The following KIF4A variants were observed in gnomAD, a reference collection of about 807,000 sequenced individuals.
The protein encoded by KIF4A is chromosome-associated kinesin KIF4A.
In KIF4A, 7 loss-of-function variants were observed where a neutral mutation model predicts 105.9. The ratio of observed to expected loss-of-function variants is 0.07; its 90% CI spans 0.04 to 0.12. The LOEUF is 0.12. KIF4A is among the 10% of genes least tolerant of loss of function. KIF4A has a pLI of 1.00. For missense variants in KIF4A, 558 were observed against 929.2 expected (o/e 0.60, Z 5.19); for synonymous variants, 281 against 331.3 (o/e 0.85, Z 1.65).
chrX:70,323,003 G>T (rs1417832342), intron 7 of KIF4A, among the ~76,000 whole-genome samples: 1 of 109,935 alleles, frequency 9.1e-6, no homozygotes, highest in African/African-American at 3.3e-5. Flanking sequence ...CCTCCTTAAG[G>T]CCTTTTTGCT....
chrX:70,416,635 ACTTTTAAG>A (rs1348931341), intron 28 of KIF4A, among the ~76,000 whole-genome samples: 1 of 111,702 alleles, frequency 9.0e-6, no homozygotes, highest in Non-Finnish European at 1.9e-5. Context: ...CGCACGGTCT[ACTTTTAAG>A]CTAGATCACT....
At chrX:70,367,730 T>C (rs2086110896) in intron 15 of KIF4A, among the ~76,000 whole-genome samples, 1 of 111,362 alleles carries the variant, frequency 9.0e-6, no homozygotes, top group Non-Finnish European at 1.9e-5. Flanking sequence ...TTATTTGTCT[T>C]GGAGTTGCTT....
At chrX:70,357,198 C>T (rs922707826) in intron 15 of KIF4A, among the ~76,000 whole-genome samples, 2 of 111,358 alleles carry the variant, frequency 1.8e-5, no homozygotes, top group African/African-American at 6.5e-5. Flanking sequence ...CCTGTAGTCC[C>T]AGCTACTGGG....
chrX:70,366,902 T>A (rs1421178160), intron 15 of KIF4A, among the ~76,000 whole-genome samples: 1 of 111,931 alleles, frequency 8.9e-6, no homozygotes, highest in Non-Finnish European at 1.9e-5. Flanking sequence ...TTTGTAGGTC[T>A]CTAAGGACTT....
chrX:70,398,178 C>T (rs1400030052), intron 22 of KIF4A, among the ~76,000 whole-genome samples: 1 of 111,753 alleles, frequency 8.9e-6, no homozygotes, highest in African/African-American at 3.3e-5. Flanking sequence ...GCTGGAATTA[C>T]AGGCACATGG....
At chrX:70,343,822 C>G (rs1364435798) in intron 12 of KIF4A, 55 bp from the exon 13 acceptor site, 2 of 1,185,691 alleles carry the variant, frequency 1.7e-6, no homozygotes, top group East Asian at 5.9e-5. Context: ...AATCGTGGAG[C>G]CTCTGGCCTT....
chrX:70,373,555 T>C (rs1475109375), intron 15 of KIF4A, among the ~76,000 whole-genome samples: 3 of 41,986 alleles, frequency 7.1e-5, no homozygotes, highest in African/African-American at 2.4e-4. Flanking sequence ...TATATATATA[T>C]ACGTATATAT....
At chrX:70,329,036 A>G (rs938947532) in intron 7 of KIF4A, among the ~76,000 whole-genome samples, 5 of 111,368 alleles carry the variant, frequency 4.5e-5, no homozygotes, top group Non-Finnish European at 9.4e-5. Flanking sequence ...AAAAATAATG[A>G]TGATGATATG....
intron 15 of KIF4A, among the ~76,000 whole-genome samples, chrX:70,363,911 C>T (rs977464551): frequency 2.7e-5 from 3 of 111,881 alleles, no homozygotes; most frequent in Non-Finnish European, 5.6e-5. Context: ...CTATTGTTTC[C>T]TGACTTTAAT....
At chrX:70,309,603 CAA>C (rs1050349343) in intron 7 of KIF4A, among the ~76,000 whole-genome samples, 1 of 110,834 alleles carries the variant, frequency 9.0e-6, no homozygotes, top group Non-Finnish European at 1.9e-5. Flanking sequence ...GTATAATAGA[CAA>C]AAAAAATTGT....
chrX:70,315,407 G>A (rs771574616), intron 7 of KIF4A, among the ~76,000 whole-genome samples: 3 of 112,279 alleles, frequency 2.7e-5, no homozygotes, highest in East Asian at 2.8e-4. Context: ...TATTTGGAAT[G>A]ATAATTGCTA....
chrX:70,304,494 C>A (rs569996497), intron 7 of KIF4A, among the ~76,000 whole-genome samples: 3 of 108,405 alleles, frequency 2.8e-5, no homozygotes, highest in Admixed American at 2.0e-4. Context: ...TTCTAGTTTT[C>A]GATCCCTGAG....
At position 70,353,608 on chromosome X, in the gene KIF4A, T is replaced by C. The variant is rs768715939; in HGVS notation, c.1489-14T>C. ...TTGTTTCTCTTATAAATCATTATCC[T>C]GATTTTTTTCCAGCAAGTAGAAACC... On this transcript the variant is annotated splice_polypyrimidine_tract_variant and intron_variant, in intron 14 of 30. Coordinates refer to ENST00000374403, the MANE Select transcript of KIF4A (RefSeq NM_012310.5). 8.3e-7 allele frequency: 1 copy of C among 1,198,268 alleles called. No individual in the cohort carries two copies. Among genetic ancestry groups the C allele is most frequent in the South Asian group, 1.8e-5 (1 of 54,567 alleles).
At chrX:70,322,007 CT>C (rs2085892256) in intron 7 of KIF4A, among the ~76,000 whole-genome samples, 1 of 110,387 alleles carries the variant, frequency 9.1e-6, no homozygotes. Flanking sequence ...CCACTCACCC[CT>C]ATCTGAAACA....
intron 29 of KIF4A, among the ~76,000 whole-genome samples, 190 bp downstream of exon 29, chrX:70,418,194 A>T (rs927185259): frequency 1.2e-4 from 13 of 111,734 alleles, no homozygotes; most frequent in African/African-American, 4.2e-4. Flanking sequence ...GCCTGTTCAC[A>T]TACCCCTTTC....
Position 70,376,285 on chromosome X carries a change from C to T in KIF4A, c.2034+75C>T, listed in dbSNP as rs1201845051. 7.4e-6 allele frequency: 4 copies of T among 542,064 alleles called. No individual in the cohort carries two copies. In the African/African-American group the frequency reaches 9.3e-5, roughly 13 times the overall value. 44.7% of individuals were successfully genotyped at this position (542,064 alleles called of 1,213,427 possible). On this transcript the variant is annotated intron_variant, in intron 18 of 30. Coordinates refer to ENST00000374403, the MANE Select transcript of KIF4A (RefSeq NM_012310.5). ...GCTGACTAACAATTTTAATGCTTCT[C>T]TTCAAACACCTCGTGTCTCCAAAAG... is the stretch of plus-strand genomic sequence containing the variant.
chrX:70,332,921 T>A (rs1252255726), intron 9 of KIF4A, among the ~76,000 whole-genome samples: 1 of 111,799 alleles, frequency 8.9e-6, no homozygotes, highest in Non-Finnish European at 1.9e-5. Context: ...TTGTATTATT[T>A]CCTACTATTT....
intron 15 of KIF4A, among the ~76,000 whole-genome samples, chrX:70,358,556 G>T (rs1271591039): frequency 1.8e-5 from 2 of 111,439 alleles, no homozygotes; most frequent in Non-Finnish European, 3.8e-5. Flanking sequence ...CTTTTTGTGT[G>T]GATGCATAGC....
At chrX:70,368,256 T>C (rs1313030513) in intron 15 of KIF4A, among the ~76,000 whole-genome samples, 3 of 112,307 alleles carry the variant, frequency 2.7e-5, no homozygotes, top group Admixed American at 1.9e-4. Flanking sequence ...CTTGTCAAAG[T>C]CATTCTCCGT....
Sources: gnomAD v4.1 joint callset for allele counts (sites outside exome capture counted in the v4.1 genomes callset) on GRCh38, gnomAD v4.1.1 for gene constraint, MANE v1.5 for transcripts, NCBI Gene and HGNC (gene_info 2026-07-23, HGNC 2026-07-21) for gene names.